Variants in COQ8A observed in about 807,000 individuals in gnomAD.
The protein encoded by COQ8A is coenzyme Q8A.
COQ8A carries 51 observed loss-of-function variants against 65.0 expected under a neutral mutation model. The ratio of observed to expected loss-of-function variants is 0.78; its 90% CI spans 0.63 to 0.99. The LOEUF (loss-of-function observed/expected upper bound fraction) is 0.99, where lower values mean the gene tolerates loss of function less well. COQ8A is among the 50% of genes least tolerant of loss of function. COQ8A has a pLI of 0.00. For missense variants in COQ8A, 940 were observed against 875.0 expected, an observed-to-expected ratio of 1.07 and a Z score of -0.94; for synonymous variants, 371 against 353.2, an observed-to-expected ratio of 1.05 and a Z score of -0.57.
At chr1:226,984,340 TG>T in intron 11 of COQ8A, 105 bp downstream of exon 11, 1 of 1,531,656 alleles carries the variant, frequency 6.5e-7, no homozygotes. Flanking sequence ...AGGTGCTCCC[TG>T]GGGGTGAGGG....
rs184409864 is a variant in COQ8A, at chr1:226,942,544, A to C, written c.-10+2145A>C. On this transcript the variant is annotated intron_variant, in intron 1 of 14. Coordinates refer to ENST00000366777, the MANE Select transcript of COQ8A (RefSeq NM_020247.5). ...ACATGCTTAAGCTGAGTGCTGGCAC[A>C]AAGGCTAACTCAGCTATCCACAAGT... is the stretch of plus-strand genomic sequence containing the variant. Among the ~76,000 whole-genome samples the C allele has an allele frequency of 2.6e-5, 4 of 152,344 alleles. No homozygotes were observed. In the East Asian group the frequency reaches 7.7e-4, roughly 29 times the overall value.
At chr1:226,971,160 C>T (rs985541557) in intron 4 of COQ8A, among the ~76,000 whole-genome samples, 12 of 151,994 alleles carry the variant, frequency 7.9e-5, no homozygotes, top group Non-Finnish European at 8.8e-5. Flanking sequence ...AGGCTGATCT[C>T]GAACTCCTGA....
intron 4 of COQ8A, among the ~76,000 whole-genome samples, chr1:226,970,611 C>T (rs1164065055): frequency 2.0e-5 from 3 of 152,168 alleles, no homozygotes; most frequent in Middle Eastern, 3.2e-3. Context: ...CATTCCTTTA[C>T]GGTTCTTTTG....
At position 226,947,800 on chromosome 1, in the gene COQ8A, A is replaced by T. The variant is rs546443297; in HGVS notation, c.-10+7401A>T. ...CAACAGTAAGACCCTGTCTCAAAAA[A>T]ATATATATATATATATATCTATCTG... On this transcript the variant is annotated intron_variant, in intron 1 of 14. Transcript: ENST00000366777. Among the ~76,000 whole-genome samples, 49 of 60,586 alleles carry T rather than the reference A, an allele frequency of 8.1e-4. No individual in the cohort carries two copies. In the South Asian group the frequency reaches 0.01, roughly 13 times the overall value. 39.7% of individuals were successfully genotyped at this position (60,586 alleles called of 152,430 possible). A position where few individuals can be genotyped will look rare whatever the true frequency, so the allele number is the denominator to read the frequency against.
intron 11 of COQ8A, 134 bp from the exon 12 acceptor site, chr1:226,984,414 A>AGTGTTACTTGGGCC: frequency 1.6e-6 from 2 of 1,278,170 alleles, no homozygotes; most frequent in Non-Finnish European, 2.2e-6. Context: ...TCCCTGGCCC[A>AGTGTTACTTGGGCC]AGTAACACTG....
Position 226,966,252 on chromosome 1 carries a change from G to T in COQ8A, c.655+515G>T, listed in dbSNP as rs369778950. Among the ~76,000 whole-genome samples the T allele has an allele frequency of 1.1e-3, 167 of 152,364 alleles. 6 individuals carry two copies. In the South Asian group the frequency reaches 0.033, roughly 30 times the overall value. On this transcript the variant is annotated intron_variant, in intron 4 of 14. Transcript: ENST00000366777. ...GAGTGACAAGATGCCATGGCCTCCA[G>T]CTGCTGCTGTTTAAAGCCGTTTGTC...
At chr1:226,966,901 CT>C (rs1298848579) in intron 4 of COQ8A, among the ~76,000 whole-genome samples, 1 of 152,170 alleles carries the variant, frequency 6.6e-6, no homozygotes, top group African/African-American at 2.4e-5. Context: ...GCTGGCCCCC[CT>C]CTCCAAGGTG....
intron 4 of COQ8A, 22 bp downstream of exon 4, chr1:226,965,759 G>C: frequency 6.2e-7 from 1 of 1,612,022 alleles, no homozygotes; most frequent in Non-Finnish European, 8.5e-7. Context: ...GTGTGCCCCT[G>C]GACTGCCTCA....
At chr1:226,982,561 C>T (rs1247678232) in intron 6 of COQ8A, 117 bp from the exon 7 acceptor site, 6 of 1,123,786 alleles carry the variant, frequency 5.3e-6, no homozygotes, top group Non-Finnish European at 8.0e-6. Flanking sequence ...CTGGCCTCAC[C>T]CGTGCTCCTG....
Position 226,978,513 on chromosome 1 carries a change from C to T in COQ8A, c.730+990C>T, listed in dbSNP as rs199830468. ...CCTTACACATCCTCCACACACCCAC[C>T]GAACACCCACTGAACACTGCACCTC... On this transcript the variant is annotated intron_variant, in intron 5 of 14. Transcript: ENST00000366777. Among the ~76,000 whole-genome samples, 67 of 133,026 alleles carry T rather than the reference C, an allele frequency of 5.0e-4. 4 individuals are homozygous for T. The East Asian group carries it at 0.013, about 26-fold the overall frequency. The allele number at this position is 133,026 out of a possible 152,430, so 87.3% of individuals were successfully genotyped here.
chr1:226,983,376 A>T, intron 8 of COQ8A, 176 bp from the exon 9 acceptor site: 1 of 703,254 alleles, frequency 1.4e-6, no homozygotes, highest in Non-Finnish European at 2.5e-6. Context: ...GTGGACAACG[A>T]GGCTGTGATG....
intron 5 of COQ8A, among the ~76,000 whole-genome samples, chr1:226,980,628 C>A (rs1419643928): frequency 1.3e-5 from 2 of 152,204 alleles, no homozygotes; most frequent in Non-Finnish European, 2.9e-5. Flanking sequence ...GGGCCCAGCC[C>A]TCTTGGACTC....
At position 226,946,135 on chromosome 1, in the gene COQ8A, G is replaced by A. The variant is rs1024435956; in HGVS notation, c.-10+5736G>A. ...AGGACAGTGCCAGACCCCGTTGGGG[G>A]TACAGAACTGGGAAAGAGAGGGCCC... On this transcript the variant is annotated intron_variant, in intron 1 of 14. Coordinates refer to ENST00000366777, the MANE Select transcript of COQ8A (RefSeq NM_020247.5). This position sits in a 1 kb window ranked among gnomAD's most constrained non-coding sequence, Gnocchi z 5.3. Among the ~76,000 whole-genome samples, 1 of 152,164 alleles carries A rather than the reference G, an allele frequency of 6.6e-6. No homozygotes were observed. The highest frequency in any genetic ancestry group is 1.5e-5 in the Non-Finnish European group (1 of 68,026).
At chr1:226,945,447 G>T (rs917206874) in intron 1 of COQ8A, among the ~76,000 whole-genome samples, 10 of 152,348 alleles carry the variant, frequency 6.6e-5, no homozygotes, top group African/African-American at 2.2e-4. Context: ...TGTTTGTTCT[G>T]TGCTTGGCAC....
Position 226,982,771 on chromosome 1 carries a change from G to T in COQ8A, c.939+8G>T. 5 of 1,613,512 alleles carry T rather than the reference G, an allele frequency of 3.1e-6. No homozygotes were observed. The highest frequency in any genetic ancestry group is 4.2e-6 in the Non-Finnish European group (5 of 1,179,984). ...CCACTGAAGCAGATGATGGTGAGGA[G>T]CCAGGGGCTCTGCCCACTCTCTGTG... On this transcript the variant is annotated splice_region_variant and intron_variant, in intron 7 of 14. Coordinates refer to ENST00000366777, the MANE Select transcript of COQ8A (RefSeq NM_020247.5).
At chr1:226,960,839 C>T (rs1180644352) in intron 1 of COQ8A, among the ~76,000 whole-genome samples, 1 of 152,102 alleles carries the variant, frequency 6.6e-6, no homozygotes, top group Non-Finnish European at 1.5e-5. Flanking sequence ...CGTCACAGGC[C>T]TCACTGGGCA....
chr1:226,955,423 A>G (rs116654986), intron 1 of COQ8A, among the ~76,000 whole-genome samples: 3,576 of 116,448 alleles, frequency 0.031, 204 homozygotes, highest in African/African-American at 0.11. Flanking sequence ...CCTGGCTGCC[A>G]CTCTCCCTGG....
rs1477058767 is a variant in COQ8A, at chr1:226,983,534, T to C, written c.1081-18T>C. ...GTCTCCCTGGGCTAACTCCCCTGCC[T>C]CACCCATACCCCCACAGTACCCTGG... On this transcript the variant is annotated intron_variant, in intron 8 of 14. Coordinates refer to ENST00000366777, the MANE Select transcript of COQ8A (RefSeq NM_020247.5). The C allele has an allele frequency of 6.2e-7, 1 of 1,612,498 alleles. No individual in the cohort carries two copies. The highest frequency in any genetic ancestry group is 1.3e-5 in the African/African-American group (1 of 75,010).
Position 226,986,914 on chromosome 1 carries a change from G to T in COQ8A, c.*177G>T. On this transcript the variant is annotated 3_prime_UTR_variant, in exon 15 of 15. Coordinates refer to ENST00000366777, the MANE Select transcript of COQ8A (RefSeq NM_020247.5). ...GTTTCTGTTGCTAAATGGTTGTAGG[G>T]TGAGAAGTGCAAGAATGAAGATGAA... is the stretch of plus-strand genomic sequence containing the variant. 2 of 745,772 alleles carry T rather than the reference G, an allele frequency of 2.7e-6. No individual in the cohort carries two copies. Among genetic ancestry groups the T allele is most frequent in the Non-Finnish European group, 2.2e-6 (1 of 458,836 alleles). The allele number at this position is 745,772 out of a possible 1,614,324, so 46.2% of individuals were successfully genotyped here.
Sources: allele counts gnomAD v4.1 joint callset (sites outside exome capture counted in the v4.1 genomes callset), GRCh38; gene constraint gnomAD v4.1.1; non-coding constraint Gnocchi (gnomAD v3.1); transcripts MANE v1.5; gene names NCBI Gene and HGNC (gene_info 2026-07-23, HGNC 2026-07-21).